The following ATP10A variants were observed in gnomAD, a reference collection of about 807,000 sequenced individuals.
ATP10A encodes the protein phospholipid-transporting ATPase VA.
A neutral mutation model predicts 147.8 loss-of-function variants in ATP10A; 111 were observed. The observed-to-expected ratio is 0.75, with a 90% CI of 0.64 to 0.88. ATP10A has a LOEUF of 0.88. Among genes scored for constraint, ATP10A ranks in the 40% least tolerant of loss-of-function variants. The pLI is 0.00. For synonymous variants in ATP10A, 875 were observed against 841.6 expected, an observed-to-expected ratio of 1.04 and a Z score of -0.69; for missense variants, 1,927 against 1,959.0, an observed-to-expected ratio of 0.98 and a Z score of 0.31.
chr15:25,703,022 A>T (rs1900762182), intron 12 of ATP10A, among the ~76,000 whole-genome samples: 1 of 152,226 alleles, frequency 6.6e-6, no homozygotes, highest in African/African-American at 2.4e-5. Context: ...AGATGAGGTC[A>T]TGAGGATGGG....
chr15:25,861,464 T>C (rs1199179903), intron 1 of ATP10A, among the ~76,000 whole-genome samples: 1 of 152,042 alleles, frequency 6.6e-6, no homozygotes, highest in Admixed American at 6.5e-5. Flanking sequence ...ACCACTGCAG[T>C]GTTGCTGGGA....
Position 25,708,087 on chromosome 15 carries a change from C to A in ATP10A, c.2464G>T (p.Glu822Ter). 6.2e-7 allele frequency: 1 copy of A among 1,614,142 alleles called. No individual in the cohort carries two copies. Among genetic ancestry groups the A allele is most frequent in the Non-Finnish European group, 8.5e-7 (1 of 1,180,018 alleles). Residue 822 changes from glutamate (E) to a stop codon, truncating the protein, a stop_gained, in exon 12 of 21, where the codon GAG (glutamate) becomes TAG (stop). Coordinates refer to ENST00000555815, the MANE Select transcript of ATP10A (RefSeq NM_024490.4). LOFTEE classifies it high-confidence loss of function. ...CIAKRVLSKE[E>*]YACWLQSHLE... Reference sequence around the variant, plus strand: ...TGGCTTTGCAACCAGCAGGCATACTCTTCTTTACTCAGAACCTATGGGAGA... The same window carrying A: ...TGGCTTTGCAACCAGCAGGCATACTATTCTTTACTCAGAACCTATGGGAGA...
intron 1 of ATP10A, among the ~76,000 whole-genome samples, chr15:25,805,902 G>C (rs1219596337): frequency 6.6e-6 from 1 of 152,174 alleles, no homozygotes; most frequent in Non-Finnish European, 1.5e-5. Context: ...ATTTGGAATA[G>C]TTTTCCCAAG....
At chr15:25,856,227 C>T (rs1033858678) in intron 1 of ATP10A, among the ~76,000 whole-genome samples, 14 of 152,110 alleles carry the variant, frequency 9.2e-5, no homozygotes, top group Admixed American at 6.5e-4. Flanking sequence ...ATCATGGAGG[C>T]GGTTTCCTCC....
chr15:25,680,424 C>T (rs1387293018), intron 19 of ATP10A, 116 bp from the exon 20 acceptor site: 2 of 1,128,194 alleles, frequency 1.8e-6, no homozygotes, highest in Non-Finnish European at 2.5e-6. Flanking sequence ...GGCCTTCAGA[C>T]ACACTGCGGT....
At position 25,717,408 on chromosome 15, in the gene ATP10A, C is replaced by T. The variant is rs147154255; in HGVS notation, c.1582-484G>A. Among the ~76,000 whole-genome samples, 46 of 152,214 alleles carry T rather than the reference C, an allele frequency of 3.0e-4. No individual in the cohort carries two copies. In the Middle Eastern group the frequency reaches 0.014, roughly 45 times the overall value. On this transcript the variant is annotated intron_variant, in intron 8 of 20. Coordinates refer to ENST00000555815, the MANE Select transcript of ATP10A (RefSeq NM_024490.4). ...TGATAAACTTCCATATGTAGCAATCCTTGGCTGAATCGCTAAATTGCTAGA... is the reference window on the plus strand; with the variant it reads ...TGATAAACTTCCATATGTAGCAATCTTTGGCTGAATCGCTAAATTGCTAGA...
rs1360914186 is a variant in ATP10A, at chr15:25,863,264, G to A, written c.-168C>T. The A allele has an allele frequency of 6.9e-6, 2 of 289,380 alleles. No individual in the cohort carries two copies. The highest frequency in any genetic ancestry group is 1.1e-5 in the Non-Finnish European group (2 of 188,618). The allele number at this position is 289,380 out of a possible 1,614,324, so 17.9% of individuals were successfully genotyped here. On this transcript the variant is annotated 5_prime_UTR_variant, in exon 1 of 21. Transcript: ENST00000555815. Reference sequence around the variant, plus strand: ...CTGGCCGGCCCAGCGCGCCCAGCCCGCGCCCAGCCCCGTCCACTCCCGTCC... The same window carrying A: ...CTGGCCGGCCCAGCGCGCCCAGCCCACGCCCAGCCCCGTCCACTCCCGTCC...
At chr15:25,816,756 T>C (rs574015312) in intron 1 of ATP10A, among the ~76,000 whole-genome samples, 1 of 152,308 alleles carries the variant, frequency 6.6e-6, no homozygotes, top group South Asian at 2.1e-4. Context: ...CACATTATTT[T>C]TTAAGGTATG....
chr15:25,812,531 G>GT (rs1267691311), intron 1 of ATP10A, among the ~76,000 whole-genome samples: 1 of 152,200 alleles, frequency 6.6e-6, no homozygotes, highest in African/African-American at 2.4e-5. Context: ...TCCTGAGCTG[G>GT]TAAGAATGCT....
chr15:25,687,875 T>C lies in ATP10A; in HGVS notation c.3166-47A>G, dbSNP rs1458177321. 9 of 1,612,506 alleles carry C rather than the reference T, an allele frequency of 5.6e-6. No individual in the cohort carries two copies. The Admixed American group carries it at 1.5e-4, about 27-fold the overall frequency. On this transcript the variant is annotated intron_variant, in intron 15 of 20. Coordinates refer to ENST00000555815, the MANE Select transcript of ATP10A (RefSeq NM_024490.4). ...TGTTACTGGTGATGCCGACCTGGCGTCAGATTTGTCTTCTCTTCTCAAAAT... is the reference window on the plus strand; with the variant it reads ...TGTTACTGGTGATGCCGACCTGGCGCCAGATTTGTCTTCTCTTCTCAAAAT...
intron 10 of ATP10A, among the ~76,000 whole-genome samples, chr15:25,712,332 C>T (rs1036754112): frequency 3.9e-5 from 6 of 152,174 alleles, no homozygotes; most frequent in African/African-American, 9.7e-5. Context: ...AAGACAAGCC[C>T]GGCAAGTGCT....
At chr15:25,825,587 C>T (rs551115987) in intron 1 of ATP10A, among the ~76,000 whole-genome samples, 5 of 152,276 alleles carry the variant, frequency 3.3e-5, no homozygotes, top group African/African-American at 1.2e-4. Flanking sequence ...CTCTGTCCAT[C>T]ATTATTTGAC....
intron 1 of ATP10A, among the ~76,000 whole-genome samples, chr15:25,850,538 C>A (rs778512271): frequency 8.4e-4 from 128 of 152,202 alleles, no homozygotes; most frequent in Non-Finnish European, 1.3e-3. Context: ...ACAGGCGAGG[C>A]GAGTCCCCAG....
Position 25,781,012 on chromosome 15 carries a change from C to T in ATP10A, c.654+7G>A. ...CCTGCAAGGCCCTGGAAACGTGGGT[C>T]ACTTACAAGCTCCGAGAAGCCGCGG... On this transcript the variant is annotated splice_region_variant and intron_variant, in intron 2 of 20. Transcript: ENST00000555815. 1 of 1,613,182 alleles carries T rather than the reference C, an allele frequency of 6.2e-7. No individual in the cohort carries two copies.
chr15:25,806,488 A>G (rs886541564), intron 1 of ATP10A, among the ~76,000 whole-genome samples: 2 of 151,624 alleles, frequency 1.3e-5, no homozygotes, highest in Non-Finnish European at 2.9e-5. Flanking sequence ...AATTTTTTGT[A>G]TTTTTAGTAG....
chr15:25,805,700 G>A (rs1397321011), intron 1 of ATP10A, among the ~76,000 whole-genome samples: 2 of 152,154 alleles, frequency 1.3e-5, no homozygotes, highest in Non-Finnish European at 2.9e-5. Flanking sequence ...CACAAAGGCT[G>A]TGCTATTTTT....
At chr15:25,801,449 T>G (rs981975458) in intron 1 of ATP10A, among the ~76,000 whole-genome samples, 1 of 152,164 alleles carries the variant, frequency 6.6e-6, no homozygotes, top group Non-Finnish European at 1.5e-5. Context: ...TGGCAGGTGG[T>G]AGTCAGGGGG....
At chr15:25,701,846 T>C (rs1246783561) in intron 13 of ATP10A, 70 bp downstream of exon 13, 2 of 1,428,690 alleles carry the variant, frequency 1.4e-6, no homozygotes, top group East Asian at 4.7e-5. Flanking sequence ...TGTGAGTGTC[T>C]GCCAAGGGGG....
chr15:25,695,915 C>T (rs1320824890), intron 13 of ATP10A, among the ~76,000 whole-genome samples: 1 of 151,564 alleles, frequency 6.6e-6, no homozygotes, highest in East Asian at 1.9e-4. Flanking sequence ...CTAAGTTCTC[C>T]AATTCTGCCA....
Sources: gnomAD v4.1 joint callset for allele counts (sites outside exome capture counted in the v4.1 genomes callset) on GRCh38, gnomAD v4.1.1 for gene constraint, MANE v1.5 for transcripts, NCBI Gene and HGNC (gene_info 2026-07-23, HGNC 2026-07-21) for gene names.